Variants in CNDP1 observed in about 807,000 individuals in gnomAD.
The protein encoded by CNDP1 is beta-Ala-His dipeptidase.
In CNDP1, 44 loss-of-function variants were observed where a neutral mutation model predicts 58.1. The ratio of observed to expected loss-of-function variants is 0.76; its 90% CI spans 0.60 to 0.97. The LOEUF (loss-of-function observed/expected upper bound fraction) is 0.97, where lower values mean the gene tolerates loss of function less well. CNDP1 is among the 50% of genes least tolerant of loss of function. The pLI is 0.00. For missense variants in CNDP1, 616 were observed against 655.1 expected (o/e 0.94, Z 0.65); for synonymous variants, 254 against 252.6 (o/e 1.01, Z -0.05).
intron 1 of CNDP1, among the ~76,000 whole-genome samples, chr18:74,551,393 C>A (rs1568293386): frequency 1.4e-5 from 2 of 142,250 alleles, no homozygotes; most frequent in African/African-American, 5.0e-5. Flanking sequence ...CACACACACA[C>A]AAACAAAAAC....
intron 1 of CNDP1, among the ~76,000 whole-genome samples, chr18:74,535,933 A>G (rs1437124593): frequency 6.6e-6 from 1 of 152,084 alleles, no homozygotes; most frequent in Non-Finnish European, 1.5e-5. Context: ...TCAGGAGACC[A>G]AGGTGGGAGG....
chr18:74,535,148 G>A (rs75610576), intron 1 of CNDP1, among the ~76,000 whole-genome samples: 552 of 152,264 alleles, frequency 3.6e-3, no homozygotes, highest in Non-Finnish European at 6.2e-3. Context: ...GGCCTTTCTC[G>A]GCGAGGTTTC....
intron 10 of CNDP1, among the ~76,000 whole-genome samples, chr18:74,582,774 G>A (rs1042071073): frequency 6.6e-6 from 1 of 152,160 alleles, no homozygotes; most frequent in Non-Finnish European, 1.5e-5. Context: ...ATCAGATCCT[G>A]GAAGGGAAAA....
At chr18:74,560,810 G>A in intron 3 of CNDP1, 46 bp from the exon 4 acceptor site, 1 of 1,579,102 alleles carries the variant, frequency 6.3e-7, no homozygotes, top group Non-Finnish European at 8.7e-7. Flanking sequence ...TTTTCTGGAA[G>A]AACAACACAG....
At chr18:74,573,294 C>G (rs573962957) in intron 7 of CNDP1, among the ~76,000 whole-genome samples, 13 of 152,112 alleles carry the variant, frequency 8.5e-5, no homozygotes, top group East Asian at 1.9e-4. Flanking sequence ...ATCCATCCAT[C>G]TATCCATTCA....
In CNDP1 at chr18:74,567,448, C is replaced by G. The variant is rs775950858; in HGVS notation, c.756+15C>G. 1 of 1,604,432 alleles carries G rather than the reference C, an allele frequency of 6.2e-7. No homozygotes were observed. ...TCATGGTGGAGGTATCCACAGAGAG[C>G]AGTGCATGGATGGAGGCCTGTGGGG... On this transcript the variant is annotated intron_variant, in intron 6 of 11. Transcript: ENST00000358821.
rs1282896257 is a variant in CNDP1, at chr18:74,559,464, C to T, written c.295C>T (p.Pro99Ser). Residue 99 changes from proline to serine, a missense_variant, in exon 3 of 12, where the codon CCT becomes TCT. Physicochemically the swap from Pro to Ser is moderately conservative, Grantham distance 74 (BLOSUM62 -1). Coordinates refer to ENST00000358821, the MANE Select transcript of CNDP1 (RefSeq NM_032649.6). ...CCGTGTGGCCTCGGTGGACATGGGTCCTCAGCAGGTGCTGTACGATTCCCT... is the reference window on the plus strand; with the variant it reads ...CCGTGTGGCCTCGGTGGACATGGGTTCTCAGCAGGTGCTGTACGATTCCCT... Reference protein sequence around the residue: ...GARVASVDMGPQQLPDGQSLP... With the variant: ...GARVASVDMGSQQLPDGQSLP... 4 of 1,607,966 alleles carry T rather than the reference C, an allele frequency of 2.5e-6. No homozygotes were observed. Among genetic ancestry groups the T allele is most frequent in the Admixed American group, 1.7e-5 (1 of 59,818 alleles).
intron 8 of CNDP1, chr18:74,577,260 CA>C: frequency 2.8e-6 from 1 of 353,244 alleles, no homozygotes; most frequent in South Asian, 8.9e-5. Context: ...TAACCACAAG[CA>C]GTTACCCATT....
rs74801509 is a variant in CNDP1 at position 74,535,412 on chromosome 18, G to T, written c.24+721G>T. 4.6e-3 allele frequency among the ~76,000 whole-genome samples: 706 copies of T among 152,242 alleles called. 6 individuals carry two copies. Among genetic ancestry groups the T allele is most frequent in the African/African-American group, 0.016 (683 of 41,540 alleles). On this transcript the variant is annotated intron_variant, in intron 1 of 11. Coordinates refer to ENST00000358821, the MANE Select transcript of CNDP1 (RefSeq NM_032649.6). ...TACTGAAACAAATACATGCAAATGC[G>T]AGGCTGGAGACACAGTGAGCAGGCA...
At chr18:74,563,660 T>C (rs1215295019) in intron 5 of CNDP1, among the ~76,000 whole-genome samples, 3 of 151,934 alleles carry the variant, frequency 2.0e-5, no homozygotes, top group Non-Finnish European at 4.4e-5. Flanking sequence ...CCTTCGAGAG[T>C]GTTCCTTTCT....
At chr18:74,577,877 G>A (rs141447091) in intron 8 of CNDP1, 57 of 302,116 alleles carry the variant, frequency 1.9e-4, no homozygotes, top group East Asian at 1.6e-3. Context: ...GCCCGATCTC[G>A]TTTGAAAGGG....
At chr18:74,552,222 A>G (rs1235029712) in intron 1 of CNDP1, among the ~76,000 whole-genome samples, 1 of 152,210 alleles carries the variant, frequency 6.6e-6, no homozygotes, top group Non-Finnish European at 1.5e-5. Context: ...CTCATATTCA[A>G]TAATATATTT....
chr18:74,546,865 A>T (rs1443097393), intron 1 of CNDP1, among the ~76,000 whole-genome samples: 1 of 152,210 alleles, frequency 6.6e-6, no homozygotes, highest in Non-Finnish European at 1.5e-5. Flanking sequence ...TCTGGGAATG[A>T]GTCTAAGCTG....
At chr18:74,576,764 G>A in intron 7 of CNDP1, 105 bp from the exon 8 acceptor site, 1 of 1,030,444 alleles carries the variant, frequency 9.7e-7, no homozygotes, top group Non-Finnish European at 1.4e-6. Flanking sequence ...AGACAGTCAA[G>A]AGGCCTGCTG....
At chr18:74,555,258 T>C (rs1227252903) in intron 1 of CNDP1, among the ~76,000 whole-genome samples, 5 of 151,976 alleles carry the variant, frequency 3.3e-5, no homozygotes, top group Admixed American at 2.6e-4. Context: ...GGAGGGTGGG[T>C]TTGGCTTCTA....
Position 74,559,336 on chromosome 18 carries a change from G to A in CNDP1, c.167G>A (p.Trp56Ter). 6.2e-7 allele frequency: 1 copy of A among 1,614,062 alleles called. No individual in the cohort carries two copies. Among genetic ancestry groups the A allele is most frequent in the South Asian group, 1.1e-5 (1 of 91,072 alleles). ...TCTTCCTCCTAGACGCTGAAGGAGT[G>A]GGTGGCCATCGAGAGCGACTCTGTC... ...QDEFVQTLKE[W>*]VAIESDSVQP... Residue 56 changes from tryptophan (W) to a stop codon, truncating the protein, a stop_gained, in exon 3 of 12, where the codon TGG (tryptophan) becomes TAG (stop). Coordinates refer to ENST00000358821, the MANE Select transcript of CNDP1 (RefSeq NM_032649.6). LOFTEE classifies it high-confidence loss of function.
intron 7 of CNDP1, among the ~76,000 whole-genome samples, chr18:74,575,461 A>G (rs1599101098): frequency 6.6e-6 from 1 of 152,334 alleles, no homozygotes; most frequent in African/African-American, 2.4e-5. Context: ...TTTTTGTGTC[A>G]TTTATATCAG....
At chr18:74,548,576 A>G (rs1333047982) in intron 1 of CNDP1, among the ~76,000 whole-genome samples, 5 of 152,218 alleles carry the variant, frequency 3.3e-5, no homozygotes, top group Admixed American at 3.3e-4. Context: ...CCTAACACAG[A>G]AAAGTGGTAC....
At position 74,534,561 on chromosome 18, in the gene CNDP1, G is replaced by A. The variant is rs2144633924; in HGVS notation, c.-107G>A. 2 of 1,189,042 alleles carry A rather than the reference G, an allele frequency of 1.7e-6. No homozygotes were observed. The highest frequency in any genetic ancestry group is 1.3e-5 in the South Asian group (1 of 78,910). 73.7% of individuals were successfully genotyped at this position (1,189,042 alleles called of 1,614,324 possible). A position where few individuals can be genotyped will look rare whatever the true frequency, so the allele number is the denominator to read the frequency against. On this transcript the variant is annotated 5_prime_UTR_variant, in exon 1 of 12. Transcript: ENST00000358821. ...CTTCCGGGGGACAACGTGGGTCAGG[G>A]CACAGAGAGATATTTAATGTCACCC...
Sources: gnomAD v4.1 joint callset for allele counts (sites outside exome capture counted in the v4.1 genomes callset) on GRCh38, gnomAD v4.1.1 for gene constraint, MANE v1.5 for transcripts, NCBI Gene and HGNC (gene_info 2026-07-23, HGNC 2026-07-21) for gene names.